The following TNIP1 variants were observed in gnomAD, a reference collection of about 807,000 sequenced individuals.
TNIP1 encodes the protein TNFAIP3-interacting protein 1.
In TNIP1, 22 loss-of-function variants were observed where a neutral mutation model predicts 86.6. The ratio of observed to expected loss-of-function variants is 0.25; its 90% CI spans 0.18 to 0.36. The LOEUF is 0.36. TNIP1 is among the 10% of genes least tolerant of loss of function. The probability of loss-of-function intolerance (pLI) is 1.00; values close to 1 mark genes in which losing one functional copy is unlikely to be tolerated. For missense variants in TNIP1, 709 were observed against 820.6 expected, an observed-to-expected ratio of 0.86 and a Z score of 1.66; for synonymous variants, 294 against 313.0, an observed-to-expected ratio of 0.94 and a Z score of 0.64.
At chr5:151,040,620 G>A (rs1758298002) in intron 11 of TNIP1, among the ~76,000 whole-genome samples, 1 of 152,194 alleles carries the variant, frequency 6.6e-6, no homozygotes, top group Non-Finnish European at 1.5e-5. Flanking sequence ...GGGCCAAAGA[G>A]CCAGGATGTC....
At chr5:151,062,683 C>T (rs562433616) in intron 3 of TNIP1, among the ~76,000 whole-genome samples, 55 of 152,310 alleles carry the variant, frequency 3.6e-4, no homozygotes, top group African/African-American at 1.3e-3. Context: ...TGACTTCCTG[C>T]AGTCCTTGCT....
chr5:151,052,297 G>A (rs1760044930), intron 6 of TNIP1, 38 bp from the exon 7 acceptor site: 2 of 1,582,008 alleles, frequency 1.3e-6, no homozygotes, highest in Admixed American at 1.7e-5. Flanking sequence ...AGGGAAAGGA[G>A]GGGCCCCTCC....
intron 2 of TNIP1, among the ~76,000 whole-genome samples, 191 bp from the exon 3 acceptor site, chr5:151,063,938 G>A (rs1414841982): frequency 6.6e-6 from 1 of 152,190 alleles, no homozygotes; most frequent in Non-Finnish European, 1.5e-5. Flanking sequence ...ACAGGCTAGA[G>A]CAAGGACGAG....
At chr5:151,070,801 G>A (rs1188448179) in intron 1 of TNIP1, among the ~76,000 whole-genome samples, 1 of 152,086 alleles carries the variant, frequency 6.6e-6, no homozygotes. Context: ...TCCATCAAAG[G>A]CCGGGTTGGA....
chr5:151,066,925 C>T (rs1448724210), intron 1 of TNIP1, among the ~76,000 whole-genome samples: 1 of 152,156 alleles, frequency 6.6e-6, no homozygotes, highest in Non-Finnish European at 1.5e-5. Flanking sequence ...TTCCCTTGCC[C>T]TGCAGCATAA....
chr5:151,080,683 C>G (rs13356414), intron 1 of TNIP1, among the ~76,000 whole-genome samples, 197 bp downstream of exon 1: 2 of 152,126 alleles, frequency 1.3e-5, no homozygotes, highest in African/African-American at 2.4e-5. Flanking sequence ...CGCCCCCCAC[C>G]AGGCCCAGCG....
At chr5:151,068,586 TCA>T (rs936180724) in intron 1 of TNIP1, among the ~76,000 whole-genome samples, 11 of 152,158 alleles carry the variant, frequency 7.2e-5, no homozygotes, top group African/African-American at 2.7e-4. Flanking sequence ...TATCTGGAGT[TCA>T]GAGCCCAGGA....
At chr5:151,057,706 G>C (rs1760853376) in intron 5 of TNIP1, among the ~76,000 whole-genome samples, 2 of 152,172 alleles carry the variant, frequency 1.3e-5, no homozygotes, top group Admixed American at 6.5e-5. Flanking sequence ...AACAGAGCAA[G>C]ATTCCGTCCC....
intron 8 of TNIP1, chr5:151,046,204 G>A (rs1232036159): frequency 2.0e-5 from 10 of 509,806 alleles, no homozygotes; most frequent in East Asian, 7.0e-5. Context: ...CCCTCCCTAC[G>A]GTCATTCTCC....
intron 1 of TNIP1, among the ~76,000 whole-genome samples, chr5:151,072,069 G>C (rs1190049629): frequency 6.6e-6 from 1 of 152,220 alleles, no homozygotes; most frequent in Non-Finnish European, 1.5e-5. Context: ...ACATGGATGA[G>C]GAAGCAGACT....
intron 5 of TNIP1, among the ~76,000 whole-genome samples, chr5:151,059,866 T>TGTGTGTGTGTGC (rs142393672): frequency 4.8e-5 from 4 of 82,752 alleles, no homozygotes; most frequent in Non-Finnish European, 9.2e-5. Context: ...TGTGTGTGTG[T>TGTGTGTGTGTGC]GCGCGCGCGC....
chr5:151,082,650 G>A (rs1156459610), upstream of TNIP1, among the ~76,000 whole-genome samples: 3 of 151,522 alleles, frequency 2.0e-5, no homozygotes, highest in Non-Finnish European at 4.4e-5. Context: ...CACTATTTCA[G>A]CTGTTTTTAT....
At chr5:151,031,557 T>A (rs1756895030) in intron 17 of TNIP1, among the ~76,000 whole-genome samples, 1 of 152,182 alleles carries the variant, frequency 6.6e-6, no homozygotes, top group South Asian at 2.1e-4. Flanking sequence ...AACAGAAATA[T>A]GGTCATGCCA....
At chr5:151,062,820 G>A (rs1761753969) in intron 3 of TNIP1, among the ~76,000 whole-genome samples, 1 of 152,224 alleles carries the variant, frequency 6.6e-6, no homozygotes, top group South Asian at 2.1e-4. Flanking sequence ...GCAGCACAGT[G>A]GACTCTGAGA....
chr5:151,042,308 A>T (rs1333430545), intron 11 of TNIP1, among the ~76,000 whole-genome samples: 2 of 152,180 alleles, frequency 1.3e-5, no homozygotes, highest in African/African-American at 4.8e-5. Flanking sequence ...TGGAACAAAA[A>T]GTTCTGAATA....
chr5:151,032,647 A>G (rs1757054092), intron 16 of TNIP1: 2 of 489,406 alleles, frequency 4.1e-6, no homozygotes. Context: ...TAAGCGCCAT[A>G]CTATATACTC....
intron 11 of TNIP1, among the ~76,000 whole-genome samples, chr5:151,041,356 C>A (rs575638071): frequency 6.6e-6 from 1 of 152,162 alleles, no homozygotes; most frequent in African/African-American, 2.4e-5. Context: ...CAGGCATGAG[C>A]CACCATGCCT....
chr5:151,034,993 C>G lies in TNIP1; in HGVS notation c.1587+9G>C. On this transcript the variant is annotated intron_variant, in intron 15 of 17. Coordinates refer to ENST00000521591, the MANE Select transcript of TNIP1 (RefSeq NM_006058.5). Reference sequence around the variant, plus strand: ...TGTCAGTGCTGCTACCTCCCTCAAGCCTCCTCACCTTTGCTTTCCTCTTCT... The same window carrying G: ...TGTCAGTGCTGCTACCTCCCTCAAGGCTCCTCACCTTTGCTTTCCTCTTCT... 2 of 1,614,042 alleles carry G rather than the reference C, an allele frequency of 1.2e-6. No individual in the cohort carries two copies. Among genetic ancestry groups the G allele is most frequent in the Non-Finnish European group, 1.7e-6 (2 of 1,179,942 alleles).
chr5:151,038,575 C>T lies in TNIP1; in HGVS notation c.1263+522G>A, dbSNP rs186476984. ...CTCCCTGGATCCCACTGCACAAGGG[C>T]GGGCCCCTCAGCCCGTGCTCCTCCA... On this transcript the variant is annotated intron_variant, in intron 12 of 17. Transcript: ENST00000521591. Among the ~76,000 whole-genome samples, 37 of 152,300 alleles carry T rather than the reference C, an allele frequency of 2.4e-4. No individual in the cohort carries two copies. In the East Asian group the frequency reaches 6.4e-3, roughly 26 times the overall value.
Sources: gnomAD v4.1 joint callset for allele counts (sites outside exome capture counted in the v4.1 genomes callset) on GRCh38, gnomAD v4.1.1 for gene constraint, MANE v1.5 for transcripts, NCBI Gene and HGNC (gene_info 2026-07-23, HGNC 2026-07-21) for gene names.